The following CR1L variants were observed in gnomAD, a reference collection of about 807,000 sequenced individuals.
CR1L encodes the protein complement component receptor 1-like protein.
A neutral mutation model predicts 62.3 loss-of-function variants in CR1L; 59 were observed. The observed-to-expected ratio is 0.95, with a 90% confidence interval of 0.77 to 1.18. The LOEUF (loss-of-function observed/expected upper bound fraction) is 1.18, where lower values mean the gene tolerates loss of function less well. Among genes scored for constraint, CR1L ranks in the 50% most tolerant of loss-of-function variants. CR1L has a pLI of 0.00. For synonymous variants in CR1L, 279 were observed against 248.7 expected (o/e 1.12, Z -1.15); for missense variants, 700 against 702.8 (o/e 1.00, Z 0.04).
chr1:207,714,420 C>T lies in CR1L; in HGVS notation c.1415-3044C>T, dbSNP rs1171681916. ...CAGGAAGAGAGGTTCTCAAGCCAGT[C>T]CATGGATTTACCTGGAACTTGTAGC... On this transcript the variant is annotated intron_variant, in intron 10 of 11. Transcript: ENST00000508064. Among the ~76,000 whole-genome samples, 6 of 152,134 alleles carry T rather than the reference C, an allele frequency of 3.9e-5. No homozygotes were observed. The South Asian group carries it at 1.0e-3, about 26-fold the overall frequency.
intron 1 of CR1L, among the ~76,000 whole-genome samples, chr1:207,653,815 T>C (rs948751497): frequency 1.3e-5 from 2 of 152,202 alleles, no homozygotes; most frequent in Non-Finnish European, 2.9e-5. Flanking sequence ...ACACAATACG[T>C]GAGACTAGAT....
intron 1 of CR1L, among the ~76,000 whole-genome samples, chr1:207,668,875 TAC>T (rs756984422): frequency 6.6e-6 from 1 of 151,010 alleles, no homozygotes; most frequent in Non-Finnish European, 1.5e-5. Flanking sequence ...CTCCATACTA[TAC>T]ACAGATTTAC....
At chr1:207,682,237 G>T (rs1663811228) in intron 3 of CR1L, among the ~76,000 whole-genome samples, 1 of 114,082 alleles carries the variant, frequency 8.8e-6, no homozygotes, top group African/African-American at 3.1e-5. Context: ...TTGGGAGGCT[G>T]AGGTGGGAGA....
At chr1:207,697,371 C>G in intron 5 of CR1L, 132 bp from the exon 6 acceptor site, 1 of 1,560,342 alleles carries the variant, frequency 6.4e-7, no homozygotes, top group Non-Finnish European at 8.7e-7. Flanking sequence ...AGTTTGTTAT[C>G]AATGTAATAA....
chr1:207,715,926 C>T (rs1653987279), intron 10 of CR1L, among the ~76,000 whole-genome samples: 1 of 152,094 alleles, frequency 6.6e-6, no homozygotes, highest in Non-Finnish European at 1.5e-5. Flanking sequence ...AACTCCTGGG[C>T]TCAAGCTATC....
chr1:207,661,492 T>G (rs901930699), intron 1 of CR1L, among the ~76,000 whole-genome samples: 8 of 152,328 alleles, frequency 5.3e-5, no homozygotes, highest in African/African-American at 1.9e-4. Flanking sequence ...GTTTTCCATT[T>G]GCTTGGTAGA....
intron 1 of CR1L, chr1:207,657,495 A>T (rs1479280134): frequency 4.6e-6 from 2 of 433,472 alleles, no homozygotes; most frequent in Non-Finnish European, 4.1e-6. Context: ...AGAGTTCTCT[A>T]TTTTTCACCC....
intron 4 of CR1L, among the ~76,000 whole-genome samples, chr1:207,690,123 ATTTTC>A (rs1663972821): frequency 6.6e-6 from 1 of 151,604 alleles, no homozygotes; most frequent in African/African-American, 2.4e-5. Flanking sequence ...ATTTCTGCTT[ATTTTC>A]TTCTACTTTC....
At position 207,697,646 on chromosome 1, in the gene CR1L, G is replaced by A; in HGVS notation, c.1006G>A (p.Gly336Arg). ...TACGTATTTGCACTGCACACCCCAGGGAGACTGGAGCCCTGCAGCCCCCAG... is the reference window on the plus strand; with the variant it reads ...TACGTATTTGCACTGCACACCCCAGAGAGACTGGAGCCCTGCAGCCCCCAG... The part of the protein sequence containing the change: ...GSTYLHCTPQ[G>R]DWSPAAPRCE... The change falls in exon 6 of 12, where the codon GGA (glycine) becomes AGA (arginine). Residue 336 changes from glycine to arginine, a missense_variant. Transcript: ENST00000508064. 1 of 1,613,966 alleles carries A rather than the reference G, an allele frequency of 6.2e-7. No homozygotes were observed. Among genetic ancestry groups the A allele is most frequent in the Non-Finnish European group, 8.5e-7 (1 of 1,179,884 alleles).
rs112328348 is a variant in CR1L at position 207,645,682 on chromosome 1, C to T, written c.97+352C>T. Among the ~76,000 whole-genome samples the T allele has an allele frequency of 1.8e-3, 281 of 152,266 alleles. 3 individuals are homozygous for T. The highest frequency in any genetic ancestry group is 2.3e-3 in the Non-Finnish European group (154 of 68,012). ...GGGCTTGCTCTGGAGTGCACAGGTG[C>T]GTGGGATTGTTGCTAGAGCCCGTGC... On this transcript the variant is annotated intron_variant, in intron 1 of 11. Transcript: ENST00000508064.
intron 1 of CR1L, chr1:207,657,494 TA>T (rs1459620687): frequency 2.3e-6 from 1 of 435,964 alleles, no homozygotes; most frequent in Non-Finnish European, 4.1e-6. Flanking sequence ...TAGAGTTCTC[TA>T]TTTTTCACCC....
chr1:207,693,224 C>A (rs1664023225), intron 4 of CR1L, among the ~76,000 whole-genome samples: 1 of 152,180 alleles, frequency 6.6e-6, no homozygotes, highest in South Asian at 2.1e-4. Context: ...TTCAAGGAAT[C>A]TTCCCACCTC....
At chr1:207,701,697 A>G in intron 9 of CR1L, 79 bp downstream of exon 9, 1 of 1,588,714 alleles carries the variant, frequency 6.3e-7, no homozygotes, top group Non-Finnish European at 8.6e-7. Context: ...CAGGAAGGAA[A>G]CTAGGCTGTT....
chr1:207,657,191 G>A, intron 1 of CR1L: 1 of 1,092,122 alleles, frequency 9.2e-7, no homozygotes, highest in Non-Finnish European at 1.4e-6. Flanking sequence ...AGAAGTATTT[G>A]AGTATCTTAA....
chr1:207,716,267 A>T (rs1331625767), intron 10 of CR1L, among the ~76,000 whole-genome samples: 1 of 140,450 alleles, frequency 7.1e-6, no homozygotes, highest in Non-Finnish European at 1.5e-5. Context: ...GATGTTATGG[A>T]GAAAATAAAA....
intron 1 of CR1L, among the ~76,000 whole-genome samples, chr1:207,673,046 C>T (rs566428586): frequency 1.3e-5 from 2 of 152,246 alleles, no homozygotes; most frequent in African/African-American, 4.8e-5. Context: ...ATACAAATTT[C>T]TTTTGTCAGA....
At chr1:207,652,164 A>C (rs1434770967) in intron 1 of CR1L, among the ~76,000 whole-genome samples, 1 of 152,228 alleles carries the variant, frequency 6.6e-6, no homozygotes, top group African/African-American at 2.4e-5. Context: ...GTTTTAAACT[A>C]TGGAAGAACA....
At chr1:207,664,541 A>G (rs925199727) in intron 1 of CR1L, among the ~76,000 whole-genome samples, 3 of 152,216 alleles carry the variant, frequency 2.0e-5, no homozygotes, top group African/African-American at 7.2e-5. Context: ...ACAAGATTGC[A>G]TATGAATTTA....
Position 207,694,727 on chromosome 1 carries a change from CCA to C in CR1L, c.839_840del (p.Pro280ArgfsTer19). 1.2e-6 allele frequency: 2 copies of C among 1,611,892 alleles called. No individual in the cohort carries two copies. The highest frequency in any genetic ancestry group is 1.7e-6 in the Non-Finnish European group (2 of 1,179,734). ...GTGCCAGGCCCTGAACAAATGGGAGCCAGAGTTACCAAGCTGCTCCAGGGGTG... is the reference window on the plus strand; with the variant it reads ...GTGCCAGGCCCTGAACAAATGGGAGCGAGTTACCAAGCTGCTCCAGGGGTG... ...VKCQALNKWEPELPSCSRVCQ... is the reference protein window; with the variant it reads ...VKCQALNKWEXELPSCSRVCQ... On this transcript the variant is annotated frameshift_variant, in exon 5 of 12. Transcript: ENST00000508064. LOFTEE classifies it high-confidence loss of function.
Sources: gnomAD v4.1 joint callset for allele counts (sites outside exome capture counted in the v4.1 genomes callset) on GRCh38, gnomAD v4.1.1 for gene constraint, MANE v1.5 for transcripts, NCBI Gene and HGNC (gene_info 2026-07-23, HGNC 2026-07-21) for gene names.